The following CYREN variants were observed in gnomAD, a reference collection of about 807,000 sequenced individuals.
The protein encoded by CYREN is cell cycle regulator of NHEJ.
Under a neutral mutation model 9.7 loss-of-function variants are expected in CYREN, and 7 were observed. The observed-to-expected ratio is 0.72, with a 90% CI of 0.41 to 1.36. The LOEUF (loss-of-function observed/expected upper bound fraction) is 1.36, where lower values mean the gene tolerates loss of function less well. Ranked by LOEUF, CYREN falls within the 40% of genes most tolerant of loss-of-function variation. The pLI is 0.01. For synonymous variants in CYREN, 76 were observed against 77.9 expected (o/e 0.98, Z 0.13); for missense variants, 215 against 198.1 (o/e 1.09, Z -0.51).
chr7:135,163,472 C>G (rs1030071115), downstream of CYREN, among the ~76,000 whole-genome samples: 6 of 151,658 alleles, frequency 4.0e-5, no homozygotes, highest in African/African-American at 1.5e-4. Flanking sequence ...ATGGTGAAAC[C>G]CATCTCTACC....
intron 2 of CYREN, among the ~76,000 whole-genome samples, chr7:135,143,063 T>C (rs1375321183): frequency 6.6e-6 from 1 of 152,138 alleles, no homozygotes; most frequent in Non-Finnish European, 1.5e-5. Context: ...AGACTTACTA[T>C]AGACTGAGTG....
chr7:135,111,463 T>C (rs1009782931), intron 2 of CYREN, among the ~76,000 whole-genome samples: 11 of 152,222 alleles, frequency 7.2e-5, no homozygotes, highest in African/African-American at 2.2e-4. Flanking sequence ...CCTTGATTCA[T>C]TGAGCTATTT....
At chr7:135,125,280 A>C (rs780606781) in intron 2 of CYREN, among the ~76,000 whole-genome samples, 9 of 152,202 alleles carry the variant, frequency 5.9e-5, no homozygotes, top group Non-Finnish European at 1.3e-4. Context: ...GATGCAAATA[A>C]ACTAGAAAAT....
At chr7:135,163,705 G>C (rs947266740), downstream of CYREN, among the ~76,000 whole-genome samples, 2 of 152,142 alleles carry the variant, frequency 1.3e-5, no homozygotes, top group Non-Finnish European at 2.9e-5. Flanking sequence ...CCATTGTCAG[G>C]AAAAAATATG....
chr7:135,109,389 C>A (rs1220680114), intron 2 of CYREN, among the ~76,000 whole-genome samples: 1 of 151,722 alleles, frequency 6.6e-6, no homozygotes, highest in Non-Finnish European at 1.5e-5. Context: ...GCTATTGGCT[C>A]GATAGCCCCA....
At chr7:135,170,042 G>T (rs1830535586) in intron 1 of CYREN, among the ~76,000 whole-genome samples, 1 of 152,246 alleles carries the variant, frequency 6.6e-6, no homozygotes. Context: ...CAGTCTGTGC[G>T]GACAAATTTA....
intron 2 of CYREN, among the ~76,000 whole-genome samples, chr7:135,156,434 T>A (rs1829795419): frequency 6.6e-6 from 1 of 152,102 alleles, no homozygotes; most frequent in African/African-American, 2.4e-5. Flanking sequence ...CTGACTGGAT[T>A]ATTTCAAAAG....
At chr7:135,157,867 A>G (rs292497) in intron 2 of CYREN, among the ~76,000 whole-genome samples, 141,691 of 152,202 alleles carry the variant, frequency 0.93, 66,739 homozygotes, top group Non-Finnish European at 1. Context: ...CAGACTGGTT[A>G]TGAATCAGCA....
At chr7:135,129,689 C>T (rs906852138) in intron 2 of CYREN, 1 of 774,156 alleles carries the variant, frequency 1.3e-6, no homozygotes, top group African/African-American at 1.7e-5. Context: ...AGATTGAAGA[C>T]TAGTTAACTA....
At chr7:135,167,547 C>A in intron 3 of CYREN, 185 bp downstream of exon 3, 3 of 1,431,990 alleles carry the variant, frequency 2.1e-6, no homozygotes, top group Non-Finnish European at 2.7e-6. Context: ...AAAGACACCC[C>A]ACGAGCGCAC....
Position 135,166,612 on chromosome 7 carries a change from T to G in CYREN, c.473A>C (p.Ter158SerextTer64). 1 of 1,590,418 alleles carries G rather than the reference T, an allele frequency of 6.3e-7. No individual in the cohort carries two copies. Reference protein sequence around the residue: ...LKYVREIFFS* With the variant: ...LKYVREIFFSS Reference sequence around the variant, plus strand: ...ACAGTTCAGTGCACAGTTTATGCCCTAGCTGAAAAAGATCTCCCGGACGTA... The same window carrying G: ...ACAGTTCAGTGCACAGTTTATGCCCGAGCTGAAAAAGATCTCCCGGACGTA... Residue 158 changes from the stop codon to serine, a stop_lost, in exon 4 of 4, where the codon TAG becomes TCG. Coordinates refer to ENST00000393114, the MANE Select transcript of CYREN (RefSeq NM_024033.4).
chr7:135,161,128 C>G (rs1235036304), downstream of CYREN, among the ~76,000 whole-genome samples: 1 of 152,136 alleles, frequency 6.6e-6, no homozygotes, highest in East Asian at 1.9e-4. The surrounding 1 kb of genome is among the most constrained non-coding windows in gnomAD (Gnocchi z 4.1). Context: ...AGGTGAGAGG[C>G]CACCACCTTC....
intron 2 of CYREN, among the ~76,000 whole-genome samples, chr7:135,116,893 G>T (rs1022384332): frequency 3.3e-5 from 5 of 152,156 alleles, no homozygotes; most frequent in African/African-American, 1.2e-4. Context: ...TTTTGTGCAT[G>T]TGTCTGGGCA....
chr7:135,098,586 T>G (rs1007249259), intron 2 of CYREN, among the ~76,000 whole-genome samples: 2 of 152,194 alleles, frequency 1.3e-5, no homozygotes, highest in African/African-American at 2.4e-5. Flanking sequence ...TCTAACTTGA[T>G]GTCATTGCAT....
At chr7:135,136,808 A>G (rs966822010) in intron 2 of CYREN, among the ~76,000 whole-genome samples, 1 of 152,090 alleles carries the variant, frequency 6.6e-6, no homozygotes, top group Admixed American at 6.6e-5. Context: ...GTGGATGACC[A>G]AAAAAGGTGA....
At chr7:135,157,518 G>A (rs1187764000) in intron 2 of CYREN, among the ~76,000 whole-genome samples, 1 of 152,258 alleles carries the variant, frequency 6.6e-6, no homozygotes, top group African/African-American at 2.4e-5. Flanking sequence ...CTGGTGGTTA[G>A]TGGGTCTTGG....
intron 2 of CYREN, among the ~76,000 whole-genome samples, chr7:135,109,745 AG>A (rs1270622224): frequency 5.9e-5 from 9 of 152,332 alleles, no homozygotes; most frequent in African/African-American, 2.2e-4. Context: ...GTGAAAAAGC[AG>A]TCTGACCACT....
chr7:135,167,730 A>G lies in CYREN; in HGVS notation c.213+2T>C. Reference sequence around the variant, plus strand: ...ATGAGTAAGAGGCTTGTCTGACTTTACCTCAATCAGGATTCCCAGAGCAAC... The same window carrying G: ...ATGAGTAAGAGGCTTGTCTGACTTTGCCTCAATCAGGATTCCCAGAGCAAC... On this transcript the variant is annotated splice_donor_variant, in intron 3 of 3. Coordinates refer to ENST00000393114, the MANE Select transcript of CYREN (RefSeq NM_024033.4). LOFTEE classifies it high-confidence loss of function. 1 of 1,614,038 alleles carries G rather than the reference A, an allele frequency of 6.2e-7. No individual in the cohort carries two copies. Among genetic ancestry groups the G allele is most frequent in the Non-Finnish European group, 8.5e-7 (1 of 1,179,990 alleles).
intron 2 of CYREN, among the ~76,000 whole-genome samples, chr7:135,140,786 A>T (rs889784641): frequency 6.6e-6 from 1 of 152,108 alleles, no homozygotes; most frequent in African/African-American, 2.4e-5. Flanking sequence ...GCTGAATTTT[A>T]TCAAAAGCCT....
Sources: allele counts gnomAD v4.1 joint callset (sites outside exome capture counted in the v4.1 genomes callset), GRCh38; gene constraint gnomAD v4.1.1; non-coding constraint Gnocchi (gnomAD v3.1); transcripts MANE v1.5; gene names NCBI Gene and HGNC (gene_info 2026-07-23, HGNC 2026-07-21).